The following PIK3AP1 variants were observed in gnomAD, a reference collection of about 807,000 sequenced individuals.
PIK3AP1 encodes phosphoinositide-3-kinase adaptor protein 1.
In PIK3AP1, 21 loss-of-function variants were observed where a neutral mutation model predicts 88.1. That is an observed-to-expected ratio of 0.24 (90% CI 0.17 to 0.34). The LOEUF (loss-of-function observed/expected upper bound fraction) is 0.34. PIK3AP1 is among the 10% of genes least tolerant of loss of function. The pLI is 1.00. For synonymous variants in PIK3AP1, 398 were observed against 400.0 expected (o/e 1.00, Z 0.06); for missense variants, 828 against 1,035.7 (o/e 0.80, Z 2.75).
At chr10:96,620,741 A>C in intron 11 of PIK3AP1, 184 bp from the exon 12 acceptor site, 1 of 589,272 alleles carries the variant, frequency 1.7e-6, no homozygotes, top group South Asian at 2.0e-5. Flanking sequence ...AATAATTCCA[A>C]GGCCTATCAC....
intron 16 of PIK3AP1, among the ~76,000 whole-genome samples, chr10:96,601,379 C>A (rs1456849594): frequency 7.0e-6 from 1 of 142,444 alleles, no homozygotes; most frequent in Non-Finnish European, 1.5e-5. Context: ...AAGGCTGAGG[C>A]AGGAGAATCA....
At chr10:96,673,420 C>T (rs1350034350) in intron 2 of PIK3AP1, among the ~76,000 whole-genome samples, 1 of 152,174 alleles carries the variant, frequency 6.6e-6, no homozygotes, top group East Asian at 1.9e-4. Context: ...TCTAGGCACC[C>T]AGGTCTGGAG....
At chr10:96,692,523 G>A (rs955741161) in intron 2 of PIK3AP1, among the ~76,000 whole-genome samples, 8 of 151,738 alleles carry the variant, frequency 5.3e-5, no homozygotes, top group South Asian at 2.1e-4. Context: ...GCAGTGAGCC[G>A]AGATCGCCAC....
At chr10:96,663,626 T>C (rs1589524159) in intron 2 of PIK3AP1, among the ~76,000 whole-genome samples, 1 of 29,396 alleles carries the variant, frequency 3.4e-5, no homozygotes, top group East Asian at 1.5e-3. Context: ...TGAGACTCCG[T>C]CAAAAAAAAA....
chr10:96,637,676 T>C (rs567696156), intron 8 of PIK3AP1, among the ~76,000 whole-genome samples: 5 of 152,160 alleles, frequency 3.3e-5, no homozygotes, highest in African/African-American at 4.8e-5. Context: ...GGGTGCCAAA[T>C]TGACTATATT....
intron 3 of PIK3AP1, among the ~76,000 whole-genome samples, chr10:96,654,405 C>T (rs1843586498): frequency 6.6e-6 from 1 of 152,140 alleles, no homozygotes; most frequent in Non-Finnish European, 1.5e-5. Flanking sequence ...CCCTTCATGA[C>T]AAGGGCCATG....
chr10:96,687,684 GGC>G (rs1844093257), intron 2 of PIK3AP1, among the ~76,000 whole-genome samples: 1 of 152,046 alleles, frequency 6.6e-6, no homozygotes, highest in Non-Finnish European at 1.5e-5. Context: ...CTAATCCCAA[GGC>G]CACCATCCGT....
chr10:96,690,836 T>G (rs1389326629), intron 2 of PIK3AP1, among the ~76,000 whole-genome samples: 2 of 152,164 alleles, frequency 1.3e-5, no homozygotes, highest in Non-Finnish European at 2.9e-5. Context: ...GATCCTACCC[T>G]GAGATTTTTA....
At chr10:96,605,152 C>T (rs1440552385) in intron 14 of PIK3AP1, among the ~76,000 whole-genome samples, 5 of 152,176 alleles carry the variant, frequency 3.3e-5, no homozygotes, top group South Asian at 2.1e-4. Context: ...GCTACCATGC[C>T]GGGCCCTCAG....
chr10:96,686,215 G>C (rs1317695130), intron 2 of PIK3AP1, among the ~76,000 whole-genome samples: 1 of 152,152 alleles, frequency 6.6e-6, no homozygotes, highest in African/African-American at 2.4e-5. Context: ...CTGTTCCAAA[G>C]CTGCTTCAGC....
intron 3 of PIK3AP1, among the ~76,000 whole-genome samples, chr10:96,656,567 C>T (rs3827867): frequency 6.6e-6 from 1 of 151,946 alleles, no homozygotes; most frequent in African/African-American, 2.4e-5. Flanking sequence ...ATCCATAGAA[C>T]AGAAGTCTTA....
intron 2 of PIK3AP1, among the ~76,000 whole-genome samples, chr10:96,670,491 G>T (rs999645376): frequency 6.6e-6 from 1 of 152,184 alleles, no homozygotes; most frequent in Non-Finnish European, 1.5e-5. Context: ...AGACCACACA[G>T]GAGAGCTGGG....
chr10:96,691,838 T>C (rs1844158758), intron 2 of PIK3AP1, among the ~76,000 whole-genome samples: 1 of 152,232 alleles, frequency 6.6e-6, no homozygotes, highest in Non-Finnish European at 1.5e-5. Context: ...TTTTATAACA[T>C]AAAATTATTT....
At chr10:96,629,908 C>T (rs1210286433) in intron 8 of PIK3AP1, among the ~76,000 whole-genome samples, 1 of 386 alleles carries the variant, frequency 2.6e-3, no homozygotes, top group Non-Finnish European at 0.024. Context: ...ACAACAACAA[C>T]CAAAAAAAAA....
intron 1 of PIK3AP1, among the ~76,000 whole-genome samples, chr10:96,716,417 C>T (rs1049625674): frequency 6.6e-5 from 10 of 152,190 alleles, no homozygotes; most frequent in African/African-American, 2.2e-4. Context: ...AACATTACAA[C>T]CTATTTGGTC....
At chr10:96,655,886 T>C (rs1024353122) in intron 3 of PIK3AP1, among the ~76,000 whole-genome samples, 1 of 152,218 alleles carries the variant, frequency 6.6e-6, no homozygotes, top group Non-Finnish European at 1.5e-5. Flanking sequence ...CAGTCTCAGG[T>C]ATGTCTTTAT....
chr10:96,609,759 T>C lies in PIK3AP1; in HGVS notation c.2123A>G (p.Glu708Gly), dbSNP rs1420354006. 1 of 1,614,076 alleles carries C rather than the reference T, an allele frequency of 6.2e-7. No individual in the cohort carries two copies. The highest frequency in any genetic ancestry group is 1.1e-5 in the South Asian group (1 of 91,078). ...TGTTTTCCAGTCTCCTCGTCTCAGC[T>C]CCGTCCTAGGGGGAATGACACTTTT... ...PRKSVIPPRT[E>G]LRRGDWKTDS... Residue 708 changes from glutamate (E) to glycine (G), a missense_variant, in exon 14 of 17, where the codon GAG becomes GGG. Coordinates refer to ENST00000339364, the MANE Select transcript of PIK3AP1 (RefSeq NM_152309.3).
intron 2 of PIK3AP1, among the ~76,000 whole-genome samples, chr10:96,704,177 A>T (rs2134285997): frequency 6.6e-6 from 1 of 152,304 alleles, no homozygotes; most frequent in East Asian, 1.9e-4. Flanking sequence ...CAGGAGCTCT[A>T]CCCTGAAGTC....
chr10:96,628,889 C>CACACACACATATATATAT (rs1554955372), intron 8 of PIK3AP1, among the ~76,000 whole-genome samples: 6 of 60,842 alleles, frequency 9.9e-5, no homozygotes, highest in African/African-American at 3.6e-4. Flanking sequence ...TATATATATA[C>CACACACACATATATATAT]ATATATATAT....
Sources: allele counts gnomAD v4.1 joint callset (sites outside exome capture counted in the v4.1 genomes callset), GRCh38; gene constraint gnomAD v4.1.1; transcripts MANE v1.5; gene names NCBI Gene and HGNC (gene_info 2026-07-23, HGNC 2026-07-21).